The following DGKB variants were observed in gnomAD, a reference collection of about 807,000 sequenced individuals.
DGKB encodes the protein 90 kDa diacylglycerol kinase.
A neutral mutation model predicts 114.3 loss-of-function variants in DGKB; 67 were observed. The observed-to-expected ratio is 0.59, with a 90% CI of 0.48 to 0.72. DGKB has a LOEUF of 0.72. Ranked by LOEUF, DGKB falls within the 30% of genes least tolerant of loss-of-function variation. The probability of loss-of-function intolerance (pLI) is 0.00; values close to 1 mark genes in which losing one functional copy is unlikely to be tolerated. For missense variants in DGKB, 907 were observed against 975.2 expected (o/e 0.93, Z 0.93); for synonymous variants, 398 against 323.1 (o/e 1.23, Z -2.49).
intron 6 of DGKB, among the ~76,000 whole-genome samples, chr7:14,718,252 T>C (rs1457779151): frequency 6.6e-6 from 1 of 152,174 alleles, no homozygotes; most frequent in African/African-American, 2.4e-5. Flanking sequence ...GGCTATTTTC[T>C]AATAGCATCT....
chr7:14,750,699 C>T (rs1158567891), intron 4 of DGKB, among the ~76,000 whole-genome samples: 8 of 151,420 alleles, frequency 5.3e-5, no homozygotes, highest in Admixed American at 4.0e-4. Flanking sequence ...ACTTAAAATT[C>T]GTAGACATTC....
At chr7:14,548,067 G>T (rs1794571969) in intron 20 of DGKB, among the ~76,000 whole-genome samples, 1 of 152,056 alleles carries the variant, frequency 6.6e-6, no homozygotes, top group Non-Finnish European at 1.5e-5. Flanking sequence ...AATTATGATG[G>T]GAAATTTATA....
intron 13 of DGKB, among the ~76,000 whole-genome samples, chr7:14,654,647 C>A (rs1405604389): frequency 6.6e-6 from 1 of 151,794 alleles, no homozygotes; most frequent in African/African-American, 2.4e-5. Context: ...GCAATAGTAA[C>A]CAAAACAGCA....
intron 2 of DGKB, among the ~76,000 whole-genome samples, chr7:14,808,348 G>T (rs577232559): frequency 6.6e-6 from 1 of 151,970 alleles, no homozygotes; most frequent in Non-Finnish European, 1.5e-5. Context: ...TATGAAAAGG[G>T]TAAACAAACT....
chr7:14,251,959 T>C (rs1014393000), intron 23 of DGKB, among the ~76,000 whole-genome samples: 4 of 152,362 alleles, frequency 2.6e-5, no homozygotes, highest in Non-Finnish European at 5.9e-5. Flanking sequence ...AACTTGATTA[T>C]AATGTATCTC....
intron 23 of DGKB, among the ~76,000 whole-genome samples, chr7:14,228,168 T>C (rs76347025): frequency 0.016 from 2,506 of 152,100 alleles, 193 homozygotes; most frequent in Admixed American, 0.12. Flanking sequence ...TTTTTCATCA[T>C]TTATTTTTAT....
chr7:14,660,011 C>T (rs1490392172), intron 13 of DGKB, among the ~76,000 whole-genome samples: 4 of 150,728 alleles, frequency 2.7e-5, no homozygotes, highest in South Asian at 4.2e-4. Flanking sequence ...TTGTCTTTGG[C>T]TCTGTTTATA....
At chr7:14,352,283 C>G (rs1020977132) in intron 21 of DGKB, among the ~76,000 whole-genome samples, 1 of 151,876 alleles carries the variant, frequency 6.6e-6, no homozygotes, top group Admixed American at 6.6e-5. Flanking sequence ...AGGATGCACC[C>G]AAAGATCAAA....
intron 22 of DGKB, among the ~76,000 whole-genome samples, chr7:14,344,524 A>G (rs755124613): frequency 2.3e-4 from 35 of 151,656 alleles, no homozygotes; most frequent in Admixed American, 3.3e-4. Flanking sequence ...GTTGAAGCCA[A>G]TGTTTCTTAA....
intron 13 of DGKB, among the ~76,000 whole-genome samples, chr7:14,663,655 T>G: frequency 2.8e-5 from 4 of 143,508 alleles, no homozygotes; most frequent in South Asian, 2.4e-4. Flanking sequence ...CCTTCCCTCC[T>G]TCCCTCCTTC....
chr7:14,265,819 A>G (rs1797432444), intron 23 of DGKB, among the ~76,000 whole-genome samples: 1 of 152,218 alleles, frequency 6.6e-6, no homozygotes. Flanking sequence ...GATTGGGCCA[A>G]GTACTTGTGT....
At chr7:14,277,584 AC>A (rs367787437) in intron 23 of DGKB, among the ~76,000 whole-genome samples, 12 of 152,322 alleles carry the variant, frequency 7.9e-5, no homozygotes, top group Admixed American at 2.6e-4. Context: ...TCATGTTGTT[AC>A]TAATGTCAGC....
chr7:14,949,673 G>C (rs77092946), intron 1 of DGKB, among the ~76,000 whole-genome samples: 4,194 of 151,862 alleles, frequency 0.028, 186 homozygotes, highest in African/African-American at 0.095. Flanking sequence ...ACTCCAAATA[G>C]TATAAATGCA....
At chr7:14,869,876 C>T (rs1455395560) in intron 1 of DGKB, among the ~76,000 whole-genome samples, 3 of 152,168 alleles carry the variant, frequency 2.0e-5, no homozygotes, top group Admixed American at 6.6e-5. Context: ...CGCTAATGCT[C>T]ATGCTATACC....
chr7:14,876,714 C>A lies in DGKB; in HGVS notation c.-188+25878G>T, dbSNP rs553743962. Among the ~76,000 whole-genome samples the A allele has an allele frequency of 1.7e-4, 26 of 152,292 alleles. No homozygotes were observed. The South Asian group carries it at 4.6e-3, about 27-fold the overall frequency. On this transcript the variant is annotated intron_variant, in intron 1 of 25. Coordinates refer to ENST00000402815, the MANE Select transcript of DGKB (RefSeq NM_001350709.2). The stretch of plus-strand genomic sequence containing the variant: ...TGTACAACTGATGTTGAGACTCAAT[C>A]ATCTGATGCTACATATTGTCAATCA...
intron 2 of DGKB, among the ~76,000 whole-genome samples, chr7:14,792,439 T>C (rs1840796033): frequency 6.6e-6 from 1 of 152,122 alleles, no homozygotes; most frequent in Non-Finnish European, 1.5e-5. Context: ...GGCCTGGGAC[T>C]AGGCAAGTCT....
At chr7:14,810,886 AGT>A (rs1204537983) in intron 2 of DGKB, among the ~76,000 whole-genome samples, 1 of 152,138 alleles carries the variant, frequency 6.6e-6, no homozygotes, top group African/African-American at 2.4e-5. Flanking sequence ...TGGGATTACA[AGT>A]GTGAGTCACG....
At chr7:14,566,230 A>T (rs1165860741) in intron 20 of DGKB, among the ~76,000 whole-genome samples, 1 of 152,178 alleles carries the variant, frequency 6.6e-6, no homozygotes, top group Non-Finnish European at 1.5e-5. Context: ...AAGATTTTTA[A>T]AAACAATTTT....
In DGKB at chr7:14,765,834, C is replaced by T. The variant is rs148443055; in HGVS notation, c.71-8103G>A. ...GAGATACTATTAGGGACAGAATTGA[C>T]TGGTGTGGACCAATAGTGTGCTGGT... is the stretch of plus-strand genomic sequence containing the variant. On this transcript the variant is annotated intron_variant, in intron 2 of 25. Transcript: ENST00000402815. 8.3e-3 allele frequency among the ~76,000 whole-genome samples: 1,256 copies of T among 152,046 alleles called. 13 individuals are homozygous for T. The highest frequency in any genetic ancestry group is 0.028 in the African/African-American group (1,159 of 41,538).
Sources: gnomAD v4.1 joint callset for allele counts (sites outside exome capture counted in the v4.1 genomes callset) on GRCh38, gnomAD v4.1.1 for gene constraint, MANE v1.5 for transcripts, NCBI Gene and HGNC (gene_info 2026-07-23, HGNC 2026-07-21) for gene names.